Variants in EPHA5 observed in about 807,000 individuals in gnomAD.
The protein encoded by EPHA5 is EPH receptor A5, also known as ephrin type-A receptor 5.
Under a neutral mutation model 105.0 loss-of-function variants are expected in EPHA5, and 60 were observed. The observed-to-expected ratio is 0.57, with a 90% CI of 0.46 to 0.71. The LOEUF (loss-of-function observed/expected upper bound fraction) is 0.71. EPHA5 is among the 30% of genes least tolerant of loss of function. EPHA5 has a pLI of 0.00. For synonymous variants in EPHA5, 513 were observed against 449.1 expected (o/e 1.14, Z -1.80); for missense variants, 1,218 against 1,274.7 (o/e 0.96, Z 0.68).
intron 5 of EPHA5, among the ~76,000 whole-genome samples, chr4:65,443,972 C>A (rs58303137): frequency 0.18 from 27,077 of 151,786 alleles, 2,689 homozygotes; most frequent in African/African-American, 0.24. Context: ...GGGTACACAT[C>A]TATGTGTGCA....
intron 1 of EPHA5, among the ~76,000 whole-genome samples, chr4:65,647,223 T>G (rs10012515): frequency 0.86 from 129,503 of 150,790 alleles, 55,958 homozygotes; most frequent in Non-Finnish European, 0.91. Context: ...CAGCTACTCA[T>G]GAGGCTGAGG....
intron 5 of EPHA5, among the ~76,000 whole-genome samples, chr4:65,487,502 C>T (rs4516775): frequency 0.15 from 23,288 of 152,070 alleles, 1,889 homozygotes; most frequent in East Asian, 0.2. Context: ...CCAATGGCTC[C>T]CATGGCTAAC....
rs183085821 is a variant in EPHA5, at chr4:65,416,269, C to T, written c.1528-1826G>A. 1.4e-4 allele frequency among the ~76,000 whole-genome samples: 22 copies of T among 152,008 alleles called. No homozygotes were observed. In the East Asian group the frequency reaches 2.7e-3, roughly 19 times the overall value. On this transcript the variant is annotated intron_variant, in intron 6 of 16. Coordinates refer to ENST00000613740, the MANE Select transcript of EPHA5 (RefSeq NM_001281766.3). ...AGGCCTCAATGACAGCATTAGAATT[C>T]CAGCCATATTATTAAGTAGATGAGA...
intron 3 of EPHA5, among the ~76,000 whole-genome samples, chr4:65,505,289 A>C (rs1732897225): frequency 6.6e-6 from 1 of 152,040 alleles, no homozygotes; most frequent in Non-Finnish European, 1.5e-5. Flanking sequence ...TATCTATCTG[A>C]ATGAGAGTTC....
At chr4:65,388,060 A>G (rs1720305749) in intron 8 of EPHA5, among the ~76,000 whole-genome samples, 2 of 147,832 alleles carry the variant, frequency 1.4e-5, no homozygotes, top group South Asian at 4.4e-4. Flanking sequence ...GAGTGAGAGC[A>G]TGAGGTGTTT....
At chr4:65,656,171 C>T (rs900170530) in intron 1 of EPHA5, among the ~76,000 whole-genome samples, 3 of 144,586 alleles carry the variant, frequency 2.1e-5, no homozygotes, top group Non-Finnish European at 4.5e-5. Context: ...AAAACCACTG[C>T]TAGCTTTATG....
intron 5 of EPHA5, among the ~76,000 whole-genome samples, chr4:65,469,515 C>A (rs977183619): frequency 6.6e-6 from 1 of 151,916 alleles, no homozygotes; most frequent in Non-Finnish European, 1.5e-5. Flanking sequence ...AAAACAAAAA[C>A]AATGTTCAAA....
intron 5 of EPHA5, among the ~76,000 whole-genome samples, chr4:65,456,613 T>A (rs917906137): frequency 1.3e-5 from 2 of 152,210 alleles, no homozygotes; most frequent in African/African-American, 4.8e-5. Context: ...AATGTTTAAT[T>A]AAATTTCTAA....
intron 3 of EPHA5, among the ~76,000 whole-genome samples, chr4:65,583,329 C>G (rs1741822666): frequency 6.6e-6 from 1 of 151,572 alleles, no homozygotes; most frequent in Non-Finnish European, 1.5e-5. Flanking sequence ...AAAAAGAAAA[C>G]TAAAATAAGC....
chr4:65,567,502 G>T (rs1431525448), intron 3 of EPHA5, among the ~76,000 whole-genome samples: 3 of 151,450 alleles, frequency 2.0e-5, no homozygotes, highest in South Asian at 2.1e-4. Context: ...TAAGACAAGG[G>T]CTCTGACAAG....
In EPHA5 at chr4:65,597,436, G is replaced by A. The variant is rs189275427; in HGVS notation, c.910+4205C>T. 7.4e-5 allele frequency among the ~76,000 whole-genome samples: 10 copies of A among 134,418 alleles called. No homozygotes were observed. The East Asian group carries it at 2.2e-3, about 30-fold the overall frequency. The allele number at this position is 134,418 out of a possible 152,430, so 88.2% of individuals were successfully genotyped here. A position where few individuals can be genotyped will look rare whatever the true frequency, so the allele number is the denominator to read the frequency against. On this transcript the variant is annotated intron_variant, in intron 3 of 16. Transcript: ENST00000613740. ...TAAAAGACAGAAACTTCTAAAATGT[G>A]TTTTTGCTAACCATTTTTTACTAAA...
intron 2 of EPHA5, among the ~76,000 whole-genome samples, chr4:65,641,328 A>G (rs568954280): frequency 1.8e-4 from 28 of 152,226 alleles, no homozygotes; most frequent in South Asian, 1.7e-3. Context: ...CATGCCCTAT[A>G]TTGCTCCAAG....
intron 3 of EPHA5, among the ~76,000 whole-genome samples, chr4:65,502,980 G>A (rs1732644710): frequency 6.6e-6 from 1 of 151,774 alleles, no homozygotes; most frequent in Non-Finnish European, 1.5e-5. Context: ...GGATGTGACT[G>A]GAAGCTATTA....
intron 3 of EPHA5, among the ~76,000 whole-genome samples, chr4:65,511,194 T>A (rs1733592538): frequency 6.6e-6 from 1 of 152,192 alleles, no homozygotes; most frequent in Non-Finnish European, 1.5e-5. Flanking sequence ...CAACCCAAGC[T>A]GACTAATGTT....
At chr4:65,442,507 G>T (rs550310944) in intron 5 of EPHA5, among the ~76,000 whole-genome samples, 1 of 152,092 alleles carries the variant, frequency 6.6e-6, no homozygotes, top group Non-Finnish European at 1.5e-5. Flanking sequence ...AACACAGTCT[G>T]CCTACAAAGA....
intron 5 of EPHA5, among the ~76,000 whole-genome samples, chr4:65,476,421 T>C (rs10011442): frequency 6.6e-6 from 1 of 151,916 alleles, no homozygotes; most frequent in Non-Finnish European, 1.5e-5. Flanking sequence ...AACAAAATCA[T>C]GTCTTTTGCA....
chr4:65,414,727 A>T (rs544966843), intron 6 of EPHA5, among the ~76,000 whole-genome samples: 32 of 152,274 alleles, frequency 2.1e-4, no homozygotes, highest in African/African-American at 7.5e-4. Flanking sequence ...ATAATGTTGT[A>T]GGAGACTGAT....
At chr4:65,576,650 C>A (rs1741086506) in intron 3 of EPHA5, among the ~76,000 whole-genome samples, 2 of 152,154 alleles carry the variant, frequency 1.3e-5, no homozygotes, top group African/African-American at 4.8e-5. Flanking sequence ...TAAATGTCTT[C>A]CTCCAGTTAC....
intron 8 of EPHA5, among the ~76,000 whole-genome samples, chr4:65,385,584 A>G (rs1436219029): frequency 6.6e-6 from 1 of 151,894 alleles, no homozygotes; most frequent in African/African-American, 2.4e-5. Flanking sequence ...GATCAGTAGC[A>G]TTAAAATCAC....
Sources: gnomAD v4.1 joint callset for allele counts (sites outside exome capture counted in the v4.1 genomes callset) on GRCh38, gnomAD v4.1.1 for gene constraint, MANE v1.5 for transcripts, NCBI Gene and HGNC (gene_info 2026-07-23, HGNC 2026-07-21) for gene names.